The following TASP1 variants were observed in gnomAD, a reference collection of about 807,000 sequenced individuals.
TASP1 encodes threonine aspartase 1.
A neutral mutation model predicts 56.6 loss-of-function variants in TASP1; 16 were observed. The ratio of observed to expected loss-of-function variants is 0.28; its 90% CI spans 0.19 to 0.43. The LOEUF (loss-of-function observed/expected upper bound fraction) is 0.43, where lower values mean the gene tolerates loss of function less well. Among genes scored for constraint, TASP1 ranks in the 20% least tolerant of loss-of-function variants. The pLI is 1.00. For missense variants in TASP1, 393 were observed against 511.6 expected, an observed-to-expected ratio of 0.77 and a Z score of 2.24; for synonymous variants, 179 against 184.2, an observed-to-expected ratio of 0.97 and a Z score of 0.23.
intron 11 of TASP1, among the ~76,000 whole-genome samples, chr20:13,438,848 T>C (rs565804226): frequency 1.3e-5 from 2 of 152,044 alleles, no homozygotes; most frequent in African/African-American, 4.8e-5. Flanking sequence ...GGGCAAAGGA[T>C]ATGAACAGAC....
chr20:13,345,330 T>C, the TASP1 span, among the ~76,000 whole-genome samples: 2 of 152,246 alleles, frequency 1.3e-5, no homozygotes, highest in Admixed American at 1.3e-4. Context: ...TTTTCTGACC[T>C]GTAAGGCCTT....
chr20:13,613,970 A>C (rs2048437629), intron 4 of TASP1, among the ~76,000 whole-genome samples: 1 of 152,122 alleles, frequency 6.6e-6, no homozygotes, highest in Non-Finnish European at 1.5e-5. Context: ...CTAAACAACA[A>C]GGTATTCTTT....
At chr20:13,481,045 C>T (rs1201227860) in intron 11 of TASP1, among the ~76,000 whole-genome samples, 6 of 151,964 alleles carry the variant, frequency 3.9e-5, no homozygotes, top group South Asian at 2.1e-4. Flanking sequence ...ATAGTAGGGT[C>T]TTATTCATTC....
chr20:13,405,072 A>T (rs1468907539), intron 13 of TASP1, among the ~76,000 whole-genome samples: 2 of 152,218 alleles, frequency 1.3e-5, no homozygotes, highest in African/African-American at 4.8e-5. Context: ...TTCTTATTTC[A>T]CCAATCCTCA....
chr20:13,455,269 A>ATC (rs1233852509), intron 11 of TASP1, among the ~76,000 whole-genome samples: 1 of 152,182 alleles, frequency 6.6e-6, no homozygotes, highest in Non-Finnish European at 1.5e-5. Flanking sequence ...TGGTAAAAAT[A>ATC]TCTCTGCCAG....
intron 13 of TASP1, among the ~76,000 whole-genome samples, chr20:13,397,938 CT>C (rs993098831): frequency 6.6e-6 from 1 of 152,138 alleles, no homozygotes; most frequent in African/African-American, 2.4e-5. Context: ...AGGGAACTGT[CT>C]TTTCCTCTTC....
the TASP1 span, among the ~76,000 whole-genome samples, chr20:13,265,703 G>GT: frequency 6.6e-6 from 1 of 152,084 alleles, no homozygotes; most frequent in Non-Finnish European, 1.5e-5. Flanking sequence ...AGTAATGGCG[G>GT]TTTTTGCCAT....
the TASP1 span, among the ~76,000 whole-genome samples, chr20:13,285,150 G>T: frequency 6.6e-6 from 1 of 152,084 alleles, no homozygotes; most frequent in Non-Finnish European, 1.5e-5. Flanking sequence ...CTTTGGCCAG[G>T]CATGTTGGCA....
intron 7 of TASP1, among the ~76,000 whole-genome samples, chr20:13,561,937 A>C (rs2147087826): frequency 6.6e-6 from 1 of 152,318 alleles, no homozygotes; most frequent in Middle Eastern, 3.4e-3. Context: ...ACAATAAACC[A>C]AGTAGATCTA....
chr20:13,472,065 G>A (rs1343192865), intron 11 of TASP1, among the ~76,000 whole-genome samples: 2 of 151,510 alleles, frequency 1.3e-5, no homozygotes, highest in Non-Finnish European at 2.9e-5. Context: ...CAAAGCTGGA[G>A]GCATCACACT....
chr20:13,448,236 T>G (rs1479961278), intron 11 of TASP1, among the ~76,000 whole-genome samples: 2 of 152,122 alleles, frequency 1.3e-5, no homozygotes, highest in Non-Finnish European at 2.9e-5. Flanking sequence ...GAAAAAGGCC[T>G]CTCTTACCCA....
intron 1 of TASP1, among the ~76,000 whole-genome samples, chr20:13,634,286 A>G (rs79439912): frequency 0.03 from 4,619 of 152,302 alleles, 223 homozygotes; most frequent in African/African-American, 0.098. Context: ...AAATGGCCAC[A>G]TATTATATGA....
the TASP1 span, among the ~76,000 whole-genome samples, chr20:13,149,247 C>CT: frequency 6.6e-6 from 1 of 152,212 alleles, no homozygotes; most frequent in Non-Finnish European, 1.5e-5. Flanking sequence ...ATTGGAGACT[C>CT]TGAGTGTCTT....
At chr20:13,108,856 A>G in the TASP1 span, among the ~76,000 whole-genome samples, 2 of 152,190 alleles carry the variant, frequency 1.3e-5, no homozygotes, top group African/African-American at 4.8e-5. Flanking sequence ...TGGTGTTTCT[A>G]ATGCCTGGTG....
the TASP1 span, among the ~76,000 whole-genome samples, chr20:13,136,604 C>CATATATATATATAT: frequency 3.2e-4 from 44 of 136,076 alleles, no homozygotes; most frequent in African/African-American, 9.4e-4. Context: ...CATCTAAAAA[C>CATATATATATATAT]ATATATATAT....
At chr20:13,311,373 T>A in the TASP1 span, among the ~76,000 whole-genome samples, 1 of 152,162 alleles carries the variant, frequency 6.6e-6, no homozygotes, top group African/African-American at 2.4e-5. Flanking sequence ...GGAAACAGCA[T>A]GAAAGCTCCT....
intron 7 of TASP1, among the ~76,000 whole-genome samples, chr20:13,561,829 T>C (rs2147086871): frequency 6.6e-6 from 1 of 152,222 alleles, no homozygotes; most frequent in South Asian, 2.1e-4. Flanking sequence ...TAAATTCAAA[T>C]TAGAGTGTTA....
At chr20:13,378,546 T>C in the TASP1 span, among the ~76,000 whole-genome samples, 6 of 152,216 alleles carry the variant, frequency 3.9e-5, no homozygotes, top group African/African-American at 1.4e-4. Context: ...AGATTGTCTA[T>C]TCTGTTGATT....
chr20:13,427,044 T>C (rs977416314), intron 12 of TASP1, among the ~76,000 whole-genome samples: 1 of 152,222 alleles, frequency 6.6e-6, no homozygotes, highest in African/African-American at 2.4e-5. Context: ...TTTATGATCA[T>C]GTGAGCCCAG....
Sources: gnomAD v4.1 joint callset for allele counts (sites outside exome capture counted in the v4.1 genomes callset) on GRCh38, gnomAD v4.1.1 for gene constraint, MANE v1.5 for transcripts, NCBI Gene and HGNC (gene_info 2026-07-23, HGNC 2026-07-21) for gene names.